The following CPED1 variants were observed in gnomAD, a reference collection of about 807,000 sequenced individuals.
CPED1 encodes the protein cadherin like and PC-esterase domain containing 1, also known as cadherin-like and PC-esterase domain-containing protein 1.
In CPED1, 114 loss-of-function variants were observed where a neutral mutation model predicts 128.2. The observed-to-expected ratio is 0.89, with a 90% CI of 0.76 to 1.04. The LOEUF is 1.04. Among genes scored for constraint, CPED1 ranks in the 50% least tolerant of loss-of-function variants. CPED1 has a pLI of 0.00. For synonymous variants in CPED1, 462 were observed against 426.7 expected (o/e 1.08, Z -1.02); for missense variants, 1,211 against 1,207.1 (o/e 1.00, Z -0.05).
At chr7:121,014,872 G>C (rs1266621490) in intron 2 of CPED1, among the ~76,000 whole-genome samples, 2 of 152,186 alleles carry the variant, frequency 1.3e-5, no homozygotes, top group South Asian at 2.1e-4. Context: ...AAAATCATCT[G>C]TACTTTACTG....
intron 16 of CPED1, among the ~76,000 whole-genome samples, chr7:121,178,253 C>T (rs140912461): frequency 6.6e-6 from 1 of 152,088 alleles, no homozygotes; most frequent in Non-Finnish European, 1.5e-5. Context: ...GAAAAAGCAT[C>T]TAAAAGTTGC....
intron 8 of CPED1, among the ~76,000 whole-genome samples, chr7:121,125,613 A>G (rs915133752): frequency 2.0e-5 from 3 of 152,140 alleles, no homozygotes; most frequent in African/African-American, 7.2e-5. Flanking sequence ...TTCCAGCTTC[A>G]TCTATGTCCC....
At chr7:121,167,451 T>G (rs1406253219) in intron 16 of CPED1, among the ~76,000 whole-genome samples, 1 of 152,164 alleles carries the variant, frequency 6.6e-6, no homozygotes, top group Non-Finnish European at 1.5e-5. Context: ...CTCCACTAGT[T>G]CTGGAGAGTT....
chr7:121,106,365 CAT>C lies in CPED1; in HGVS notation c.918+6283_918+6284del, dbSNP rs201003159. On this transcript the variant is annotated intron_variant, in intron 7 of 22. Transcript: ENST00000310396. ...ACACATATATGTGTATATATGCCTA[CAT>C]ATATATATATAATGTATTATGACAG... Among the ~76,000 whole-genome samples the C allele has an allele frequency of 3.0e-3, 456 of 151,122 alleles. 3 individuals carry two copies. The highest frequency in any genetic ancestry group is 0.01 in the African/African-American group (415 of 41,240).
At position 121,275,756 on chromosome 7, in the gene CPED1, A is replaced by G. The variant is rs1017482060; in HGVS notation, c.2868+4326A>G. Among the ~76,000 whole-genome samples, 5 of 152,210 alleles carry G rather than the reference A, an allele frequency of 3.3e-5. No homozygotes were observed. The East Asian group carries it at 7.7e-4, about 24-fold the overall frequency. On this transcript the variant is annotated intron_variant, in intron 22 of 22. Coordinates refer to ENST00000310396, the MANE Select transcript of CPED1 (RefSeq NM_024913.5). ...AAGAAGGGAGTTTTGGTTCTTTGTCAGAGATGGTTTTCCACTATTAATTAA... is the reference window on the plus strand; with the variant it reads ...AAGAAGGGAGTTTTGGTTCTTTGTCGGAGATGGTTTTCCACTATTAATTAA...
chr7:121,214,145 A>G (rs1563067669), intron 16 of CPED1, among the ~76,000 whole-genome samples: 1 of 152,066 alleles, frequency 6.6e-6, no homozygotes, highest in Non-Finnish European at 1.5e-5. Context: ...TGTGGCAAGA[A>G]TGCTACAGAA....
At position 121,124,407 on chromosome 7, in the gene CPED1, G is replaced by A. The variant is rs1304456143; in HGVS notation, c.995G>A (p.Gly332Asp). Reference sequence around the variant, plus strand: ...TTTGACATTATGAAGGAAGCAATTGGCAAACTACTGCTAGCGGCTGAAGTA... The same window carrying A: ...TTTGACATTATGAAGGAAGCAATTGACAAACTACTGCTAGCGGCTGAAGTA... Reference protein sequence around the residue: ...QAFDIMKEAIGKLLLAAEVFS... With the variant: ...QAFDIMKEAIDKLLLAAEVFS... The change falls in exon 8 of 23, where the codon GGC becomes GAC. Residue 332 changes from glycine (G) to aspartate (D), a missense_variant. Coordinates refer to ENST00000310396, the MANE Select transcript of CPED1 (RefSeq NM_024913.5). 3 of 1,607,284 alleles carry A rather than the reference G, an allele frequency of 1.9e-6. No individual in the cohort carries two copies. The highest frequency in any genetic ancestry group is 2.6e-6 in the Non-Finnish European group (3 of 1,175,978).
At chr7:121,094,781 G>A (rs975294588) in intron 5 of CPED1, among the ~76,000 whole-genome samples, 5 of 152,122 alleles carry the variant, frequency 3.3e-5, no homozygotes, top group African/African-American at 4.8e-5. Flanking sequence ...ATAAGCAGGC[G>A]CTCAGTATCT....
intron 2 of CPED1, among the ~76,000 whole-genome samples, chr7:121,014,125 T>A (rs1792233470): frequency 6.6e-6 from 1 of 152,158 alleles, no homozygotes; most frequent in Non-Finnish European, 1.5e-5. Context: ...AGGAAGGAAT[T>A]GTAGGTGGAA....
At chr7:120,990,901 C>A (rs755467221) in intron 2 of CPED1, among the ~76,000 whole-genome samples, 1 of 152,140 alleles carries the variant, frequency 6.6e-6, no homozygotes, top group Non-Finnish European at 1.5e-5. Context: ...TTATTTATTT[C>A]GTTTCAGACT....
At chr7:120,997,841 G>A (rs1219187214) in intron 2 of CPED1, among the ~76,000 whole-genome samples, 2 of 151,818 alleles carry the variant, frequency 1.3e-5, no homozygotes, top group Non-Finnish European at 2.9e-5. Context: ...AGAATCACTT[G>A]AACCCAGGAG....
chr7:121,289,042 A>C (rs967352469), intron 22 of CPED1, among the ~76,000 whole-genome samples: 2 of 152,274 alleles, frequency 1.3e-5, no homozygotes, highest in South Asian at 2.1e-4. Context: ...TAACCAAATA[A>C]GGGTGGAAAG....
At chr7:121,228,947 G>C (rs949330028) in intron 16 of CPED1, among the ~76,000 whole-genome samples, 2 of 151,974 alleles carry the variant, frequency 1.3e-5, no homozygotes, top group Admixed American at 6.6e-5. Flanking sequence ...TGGTGGTAGA[G>C]AGTGAAAAGA....
intron 16 of CPED1, among the ~76,000 whole-genome samples, chr7:121,215,321 G>A (rs1326237414): frequency 1.3e-5 from 2 of 151,944 alleles, no homozygotes; most frequent in Non-Finnish European, 2.9e-5. Flanking sequence ...AGACATAAGT[G>A]GATTAGATGA....
chr7:121,063,724 T>A (rs1585047970), intron 4 of CPED1, among the ~76,000 whole-genome samples: 1 of 152,186 alleles, frequency 6.6e-6, no homozygotes, highest in Non-Finnish European at 1.5e-5. Flanking sequence ...GTATCTTTTA[T>A]AATCTTTTCA....
chr7:121,100,503 C>A (rs1434329870), intron 7 of CPED1, among the ~76,000 whole-genome samples: 1 of 152,110 alleles, frequency 6.6e-6, no homozygotes, highest in Admixed American at 6.6e-5. Context: ...GTTCATCACA[C>A]CAGTCAATAT....
intron 16 of CPED1, among the ~76,000 whole-genome samples, chr7:121,201,858 A>G (rs1797408567): frequency 6.6e-6 from 1 of 152,090 alleles, no homozygotes; most frequent in Non-Finnish European, 1.5e-5. Flanking sequence ...CTGAACACGA[A>G]AGAAGAGAAA....
chr7:121,166,886 A>G (rs1379416516), intron 16 of CPED1, among the ~76,000 whole-genome samples: 1 of 152,154 alleles, frequency 6.6e-6, no homozygotes, highest in African/African-American at 2.4e-5. Context: ...ATCATGATCT[A>G]CAAGTAGAGG....
At chr7:121,292,725 G>A (rs1792734357) in intron 22 of CPED1, among the ~76,000 whole-genome samples, 2 of 152,114 alleles carry the variant, frequency 1.3e-5, no homozygotes, top group East Asian at 3.9e-4. Flanking sequence ...TTTTGTTGAT[G>A]TTGATGCTAT....
Sources: gnomAD v4.1 joint callset for allele counts (sites outside exome capture counted in the v4.1 genomes callset) on GRCh38, gnomAD v4.1.1 for gene constraint, MANE v1.5 for transcripts, NCBI Gene and HGNC (gene_info 2026-07-23, HGNC 2026-07-21) for gene names.